The following LIMCH1 variants were observed in gnomAD, a reference collection of about 807,000 sequenced individuals.
LIMCH1 encodes LIM and calponin homology domains 1, also known as LIM and calponin homology domains-containing protein 1.
In LIMCH1, 113 loss-of-function variants were observed where a neutral mutation model predicts 176.5. That is an observed-to-expected ratio of 0.64 (90% CI 0.55 to 0.75). The LOEUF is 0.75. Among genes scored for constraint, LIMCH1 ranks in the 30% least tolerant of loss-of-function variants. The probability of loss-of-function intolerance (pLI) is 0.00; values close to 1 mark genes in which losing one functional copy is unlikely to be tolerated. For missense variants in LIMCH1, 1,674 were observed against 1,814.9 expected (o/e 0.92, Z 1.41); for synonymous variants, 619 against 645.9 (o/e 0.96, Z 0.63).
intron 2 of LIMCH1, among the ~76,000 whole-genome samples, chr4:41,518,380 TTTTG>T (rs1011186687): frequency 1.3e-5 from 2 of 152,086 alleles, no homozygotes; most frequent in Admixed American, 6.6e-5. Flanking sequence ...GCTTTGAGGT[TTTTG>T]TTTGTTTGTT....
chr4:41,645,984 T>C, intron 15 of LIMCH1, 139 bp from the exon 16 acceptor site: 1 of 813,848 alleles, frequency 1.2e-6, no homozygotes, highest in South Asian at 2.0e-5. Context: ...CATTGGATTG[T>C]GTGGGAATGC....
At position 41,627,019 on chromosome 4, in the gene LIMCH1, G is replaced by GGGGT; in HGVS notation, c.1028+10_1028+11insGGTG. Reference sequence around the variant, plus strand: ...AGTCTAGAATATAAAAGGTGTGCATGGTGTGTGTGTGTGTGTGTGTGTGTG... The same window carrying GGGGT: ...AGTCTAGAATATAAAAGGTGTGCATGGGGTGTGTGTGTGTGTGTGTGTGTGTGTG... On this transcript the variant is annotated intron_variant, in intron 8 of 31. Coordinates refer to ENST00000503057, the MANE Select transcript of LIMCH1 (RefSeq NM_001330672.2). The GGGGT allele has an allele frequency of 2.8e-6, 4 of 1,406,614 alleles. No homozygotes were observed. Among genetic ancestry groups the GGGGT allele is most frequent in the Non-Finnish European group, 2.8e-6 (3 of 1,065,798 alleles). 87.1% of individuals were successfully genotyped at this position (1,406,614 alleles called of 1,614,324 possible).
chr4:41,644,541 C>A lies in LIMCH1; in HGVS notation c.2168C>A (p.Ala723Glu), dbSNP rs868697031. The A allele has an allele frequency of 6.3e-7, 1 of 1,598,742 alleles. No individual in the cohort carries two copies. Among genetic ancestry groups the A allele is most frequent in the South Asian group, 1.1e-5 (1 of 88,110 alleles). ...GACATGCGGTGTGAGGAGGAGGCCG[C>A]GGTGCAGCCGCACAGCAGGGCCCGC... ...MFDMRCEEEA[A>E]VQPHSRARQE... The change falls in exon 15 of 32, where the codon GCG becomes GAG. Residue 723 changes from alanine (A) to glutamate (E), a missense_variant. By Grantham distance (107) the Ala-to-Glu change is moderately radical (BLOSUM62 -1). Coordinates refer to ENST00000503057, the MANE Select transcript of LIMCH1 (RefSeq NM_001330672.2).
chr4:41,692,053 G>A (rs1726423005), intron 30 of LIMCH1, among the ~76,000 whole-genome samples: 1 of 152,164 alleles, frequency 6.6e-6, no homozygotes, highest in Non-Finnish European at 1.5e-5. Context: ...AAACCTCACT[G>A]AACCAGTGTC....
At chr4:41,617,365 C>T (rs534967231) in intron 5 of LIMCH1, among the ~76,000 whole-genome samples, 1 of 152,182 alleles carries the variant, frequency 6.6e-6, no homozygotes, top group Admixed American at 6.6e-5. Flanking sequence ...ACCAGCCCTG[C>T]AGCAGGGGTT....
chr4:41,615,978 C>A (rs1161222617), intron 5 of LIMCH1, among the ~76,000 whole-genome samples: 2 of 152,168 alleles, frequency 1.3e-5, no homozygotes, highest in Non-Finnish European at 2.9e-5. Flanking sequence ...TTGATTCAAC[C>A]AATCTGTCTT....
intron 1 of LIMCH1, among the ~76,000 whole-genome samples, chr4:41,595,752 A>T: frequency 6.6e-6 from 1 of 152,186 alleles, no homozygotes; most frequent in East Asian, 1.9e-4. Flanking sequence ...AAATTTTTTA[A>T]AGCCTTTTAA....
upstream of LIMCH1, among the ~76,000 whole-genome samples, chr4:41,537,530 A>G (rs919857777): frequency 6.6e-6 from 1 of 152,202 alleles, no homozygotes; most frequent in African/African-American, 2.4e-5. Flanking sequence ...TCTCAATTTC[A>G]GGCACAAAGA....
chr4:41,564,005 T>C (rs958602142), intron 1 of LIMCH1, among the ~76,000 whole-genome samples: 1 of 152,156 alleles, frequency 6.6e-6, no homozygotes, highest in Non-Finnish European at 1.5e-5. Context: ...GTTTTACACT[T>C]CAGGAAATTA....
At chr4:41,418,209 A>G (rs1482428254) in intron 1 of LIMCH1, among the ~76,000 whole-genome samples, 1 of 152,222 alleles carries the variant, frequency 6.6e-6, no homozygotes, top group African/African-American at 2.4e-5. Flanking sequence ...AAAAAAGACT[A>G]CAGCTTTCCA....
chr4:41,562,208 T>G (rs986063122), intron 1 of LIMCH1, among the ~76,000 whole-genome samples: 1 of 152,192 alleles, frequency 6.6e-6, no homozygotes, highest in Non-Finnish European at 1.5e-5. Context: ...CATGTTCAGT[T>G]TCCAGTTACA....
chr4:41,414,783 G>T (rs73134591), intron 1 of LIMCH1, among the ~76,000 whole-genome samples: 1 of 152,188 alleles, frequency 6.6e-6, no homozygotes, highest in East Asian at 1.9e-4. Flanking sequence ...TCTTACAAGT[G>T]GGTCTCAATA....
intron 17 of LIMCH1, among the ~76,000 whole-genome samples, chr4:41,648,658 GGTGTGTGTGTGTGTGTGTGT>G (rs71650941): frequency 2.2e-5 from 3 of 135,400 alleles, no homozygotes; most frequent in African/African-American, 8.4e-5. Flanking sequence ...AAGGGGTAGG[GGTGTGTGTGTGTGTGTGTGT>G]GTGTGTGTGT....
intron 1 of LIMCH1, among the ~76,000 whole-genome samples, chr4:41,478,167 G>A (rs1455379637): frequency 6.6e-6 from 1 of 152,156 alleles, no homozygotes; most frequent in Non-Finnish European, 1.5e-5. Flanking sequence ...CAAGTACAGA[G>A]AATTACATGA....
At position 41,636,340 on chromosome 4, in the gene LIMCH1, CTTTTTTT is replaced by C. The variant is rs35828085; in HGVS notation, c.2090+2546_2090+2552del. Among the ~76,000 whole-genome samples the C allele has an allele frequency of 1.8e-3, 194 of 104,928 alleles. 1 individual carries two copies. Among genetic ancestry groups the C allele is most frequent in the African/African-American group, 6.1e-3 (167 of 27,178 alleles). The allele number at this position is 104,928 out of a possible 152,430, so 68.8% of individuals were successfully genotyped here. On this transcript the variant is annotated intron_variant, in intron 13 of 31. Coordinates refer to ENST00000503057, the MANE Select transcript of LIMCH1 (RefSeq NM_001330672.2). ...TTGCATTGGAAAGATTGCTTTATTA[CTTTTTTT>C]TTTTTTTTTTTTTGCTAACTTGCCT...
At chr4:41,623,799 T>G (rs2092755402) in intron 7 of LIMCH1, among the ~76,000 whole-genome samples, 1 of 152,170 alleles carries the variant, frequency 6.6e-6, no homozygotes. Context: ...AAGGTGCATG[T>G]TATTTCATTT....
chr4:41,485,475 A>G (rs771234161), intron 1 of LIMCH1, among the ~76,000 whole-genome samples: 18 of 152,218 alleles, frequency 1.2e-4, no homozygotes, highest in Non-Finnish European at 2.1e-4. Context: ...CAAGAAAACT[A>G]TGCTATTGGG....
At chr4:41,682,585 C>A in intron 26 of LIMCH1, 125 bp downstream of exon 26, 3 of 807,256 alleles carry the variant, frequency 3.7e-6, no homozygotes, top group Non-Finnish European at 5.6e-6. Flanking sequence ...TCCAGTAATA[C>A]ATTACATATT....
At chr4:41,652,896 A>G (rs1421229567) in intron 18 of LIMCH1, among the ~76,000 whole-genome samples, 1 of 152,188 alleles carries the variant, frequency 6.6e-6, no homozygotes, top group Non-Finnish European at 1.5e-5. Flanking sequence ...TAAACTCAGA[A>G]AAGCCTGGGA....
Sources: allele counts gnomAD v4.1 joint callset (sites outside exome capture counted in the v4.1 genomes callset), GRCh38; gene constraint gnomAD v4.1.1; transcripts MANE v1.5; gene names NCBI Gene and HGNC (gene_info 2026-07-23, HGNC 2026-07-21).